The following MYO16 variants were observed in gnomAD, a reference collection of about 807,000 sequenced individuals.
The protein encoded by MYO16 is unconventional myosin-XVI.
Under a neutral mutation model 205.3 loss-of-function variants are expected in MYO16, and 94 were observed. The ratio of observed to expected loss-of-function variants is 0.46; its 90% CI spans 0.39 to 0.54. MYO16 has a LOEUF of 0.54. Among genes scored for constraint, MYO16 ranks in the 20% least tolerant of loss-of-function variants. The pLI, the probability that MYO16 is intolerant of heterozygous loss-of-function variation, is 0.00. For synonymous variants in MYO16, 988 were observed against 954.0 expected, an observed-to-expected ratio of 1.04 and a Z score of -0.66; for missense variants, 2,315 against 2,387.5, an observed-to-expected ratio of 0.97 and a Z score of 0.63.
chr13:108,590,994 A>G, the MYO16 span, among the ~76,000 whole-genome samples: 2 of 152,244 alleles, frequency 1.3e-5, no homozygotes, highest in African/African-American at 2.4e-5. Flanking sequence ...TTGAATATAC[A>G]AAAGACAAAG....
intron 16 of MYO16, among the ~76,000 whole-genome samples, chr13:108,956,871 T>A (rs1440028435): frequency 6.6e-6 from 1 of 152,106 alleles, no homozygotes; most frequent in Admixed American, 6.5e-5. Flanking sequence ...TGTTGTTGAG[T>A]CCTTTTCCTT....
In MYO16 at chr13:108,824,993, G is replaced by A. The variant is rs540274160; in HGVS notation, c.1097+1715G>A. On this transcript the variant is annotated intron_variant, in intron 9 of 34. Transcript: ENST00000457511. The stretch of plus-strand genomic sequence containing the variant: ...TCTTCCAAATGTTTAAAGAATTAAC[G>A]CCAATCTGTCACAAACACTTTCAAA... 2.1e-4 allele frequency among the ~76,000 whole-genome samples: 32 copies of A among 152,146 alleles called. No homozygotes were observed. The South Asian group carries it at 2.5e-3, about 12-fold the overall frequency.
At chr13:109,050,750 T>G (rs1365286615) in intron 24 of MYO16, among the ~76,000 whole-genome samples, 1 of 152,306 alleles carries the variant, frequency 6.6e-6, no homozygotes, top group South Asian at 2.1e-4. Context: ...TCTTATGTTA[T>G]TCAATGAATA....
chr13:109,164,192 C>T (rs1878531165), intron 32 of MYO16: 1 of 152,184 alleles, frequency 6.6e-6, no homozygotes, highest in Non-Finnish European at 1.5e-5. Flanking sequence ...GATTTTGTGC[C>T]TAAGGGTAAT....
At chr13:108,642,110 A>G (rs912286060) in intron 1 of MYO16, among the ~76,000 whole-genome samples, 1 of 152,044 alleles carries the variant, frequency 6.6e-6, no homozygotes, top group African/African-American at 2.4e-5. Flanking sequence ...ATCCCAATTC[A>G]TTTCCTAGGT....
At chr13:108,582,800 A>G in the MYO16 span, among the ~76,000 whole-genome samples, 3 of 152,184 alleles carry the variant, frequency 2.0e-5, no homozygotes, top group Non-Finnish European at 4.4e-5. Flanking sequence ...GGAAGTGTTA[A>G]GGCACACGGG....
At chr13:109,045,704 G>T (rs532978418) in intron 23 of MYO16, among the ~76,000 whole-genome samples, 1 of 152,168 alleles carries the variant, frequency 6.6e-6, no homozygotes, top group Non-Finnish European at 1.5e-5. Flanking sequence ...CATTGTGGCA[G>T]ATGCAAATAT....
the MYO16 span, among the ~76,000 whole-genome samples, chr13:108,500,885 C>T: frequency 6.6e-6 from 1 of 152,168 alleles, no homozygotes; most frequent in East Asian, 1.9e-4. Context: ...CCTTCTTGAC[C>T]CGCTCCCTGC....
At chr13:108,995,976 T>C (rs1045129051) in intron 21 of MYO16, among the ~76,000 whole-genome samples, 1 of 152,174 alleles carries the variant, frequency 6.6e-6, no homozygotes, top group Admixed American at 6.5e-5. Context: ...ACTTTTACAC[T>C]GTTGGTGGGA....
chr13:109,173,913 A>C (rs1278793260), intron 33 of MYO16, among the ~76,000 whole-genome samples: 1 of 137,042 alleles, frequency 7.3e-6, no homozygotes, highest in Non-Finnish European at 1.6e-5. Flanking sequence ...AAAAAAAAAA[A>C]AGAGTATCTC....
At chr13:108,621,406 T>C (rs773838804) in intron 1 of MYO16, among the ~76,000 whole-genome samples, 1 of 152,192 alleles carries the variant, frequency 6.6e-6, no homozygotes, top group Non-Finnish European at 1.5e-5. Context: ...AATGGAAATA[T>C]CTAGAAATTT....
At chr13:108,572,916 G>A in the MYO16 span, among the ~76,000 whole-genome samples, 2 of 152,196 alleles carry the variant, frequency 1.3e-5, no homozygotes, top group African/African-American at 4.8e-5. Flanking sequence ...GACCTTGCAT[G>A]AGGACTGTGG....
chr13:109,028,037 T>C (rs1886421299), intron 23 of MYO16, among the ~76,000 whole-genome samples: 1 of 152,106 alleles, frequency 6.6e-6, no homozygotes, highest in African/African-American at 2.4e-5. Context: ...TTATATAAAG[T>C]AATATTTTGA....
intron 28 of MYO16, among the ~76,000 whole-genome samples, chr13:109,114,024 G>A (rs545767011): frequency 6.6e-6 from 1 of 152,280 alleles, no homozygotes; most frequent in African/African-American, 2.4e-5. Context: ...CCAGGAAGAT[G>A]ATGAAAAGTA....
intron 27 of MYO16, among the ~76,000 whole-genome samples, chr13:109,097,710 T>G (rs1888822828): frequency 6.6e-6 from 1 of 152,230 alleles, no homozygotes; most frequent in African/African-American, 2.4e-5. Flanking sequence ...CCTCTGGCAC[T>G]GCAAATTCAG....
At chr13:109,069,179 G>C (rs574372330) in intron 27 of MYO16, among the ~76,000 whole-genome samples, 35 of 152,294 alleles carry the variant, frequency 2.3e-4, no homozygotes, top group African/African-American at 7.9e-4. Flanking sequence ...TAAGTTCCCA[G>C]TGAGAAAGGA....
intron 27 of MYO16, among the ~76,000 whole-genome samples, chr13:109,073,075 AAATATT>A (rs1252546915): frequency 1.3e-5 from 2 of 151,940 alleles, no homozygotes; most frequent in African/African-American, 4.8e-5. Context: ...AATTATTGTT[AAATATT>A]GAGTATAGAG....
chr13:108,682,946 G>A (rs1365688840), intron 2 of MYO16, among the ~76,000 whole-genome samples: 2 of 152,166 alleles, frequency 1.3e-5, no homozygotes, highest in African/African-American at 4.8e-5. Context: ...CTTATGAAAT[G>A]TAAGATAGAG....
intron 28 of MYO16, among the ~76,000 whole-genome samples, chr13:109,105,937 T>C (rs902502947): frequency 6.6e-6 from 1 of 152,230 alleles, no homozygotes; most frequent in Non-Finnish European, 1.5e-5. Flanking sequence ...CAGGATGTAG[T>C]GGTGGCTAGA....
Sources: allele counts gnomAD v4.1 joint callset (sites outside exome capture counted in the v4.1 genomes callset), GRCh38; gene constraint gnomAD v4.1.1; transcripts MANE v1.5; gene names NCBI Gene and HGNC (gene_info 2026-07-23, HGNC 2026-07-21).